CDC42SE2: variants seen among roughly 807,000 people sequenced by gnomAD.
CDC42SE2 encodes the protein CDC42 small effector protein 2.
In CDC42SE2, 3 loss-of-function variants were observed where a neutral mutation model predicts 11.5. The ratio of observed to expected loss-of-function variants is 0.26; its 90% CI spans 0.12 to 0.67. CDC42SE2 has a LOEUF of 0.67. CDC42SE2 is among the 30% of genes least tolerant of loss of function. The pLI is 0.80. For synonymous variants in CDC42SE2, 33 were observed against 34.8 expected (o/e 0.95, Z 0.18); for missense variants, 82 against 106.8 (o/e 0.77, Z 1.02).
intron 2 of CDC42SE2, among the ~76,000 whole-genome samples, chr5:131,324,288 C>T (rs1561584864): frequency 6.6e-6 from 1 of 152,132 alleles, no homozygotes; most frequent in African/African-American, 2.4e-5. Flanking sequence ...CAGCTCTCTC[C>T]TTCATGGCTG....
chr5:131,363,364 G>A (rs1362949395), intron 3 of CDC42SE2, among the ~76,000 whole-genome samples: 2 of 151,780 alleles, frequency 1.3e-5, no homozygotes, highest in Middle Eastern at 3.2e-3. Context: ...GCTTGTATCT[G>A]GAATGTGTTA....
At chr5:131,320,698 G>A (rs1001356102) in intron 2 of CDC42SE2, among the ~76,000 whole-genome samples, 9 of 151,876 alleles carry the variant, frequency 5.9e-5, no homozygotes, top group East Asian at 1.9e-4. Context: ...CTGAGATTGC[G>A]CCACTGCACT....
the CDC42SE2 span, among the ~76,000 whole-genome samples, chr5:131,218,286 G>A: frequency 6.6e-6 from 1 of 151,780 alleles, no homozygotes. Context: ...ATAAACCCAT[G>A]AGAAGGTGTT....
intron 1 of CDC42SE2, among the ~76,000 whole-genome samples, chr5:131,254,033 T>G (rs1044933310): frequency 6.6e-6 from 1 of 152,170 alleles, no homozygotes; most frequent in Non-Finnish European, 1.5e-5. Context: ...ACACCACAGA[T>G]TTTTTCTTCT....
At chr5:131,346,603 A>C (rs1758852348) in intron 2 of CDC42SE2, among the ~76,000 whole-genome samples, 2 of 152,210 alleles carry the variant, frequency 1.3e-5, no homozygotes, top group South Asian at 2.1e-4. Flanking sequence ...ATGAGACAGA[A>C]AGTTGACAAG....
chr5:131,386,485 A>G (rs369288324), intron 4 of CDC42SE2, among the ~76,000 whole-genome samples: 1 of 152,252 alleles, frequency 6.6e-6, no homozygotes, highest in Admixed American at 6.5e-5. Flanking sequence ...CTTTAGGGCA[A>G]GGCAGTAAAA....
chr5:131,227,732 G>A, the CDC42SE2 span, among the ~76,000 whole-genome samples: 1 of 151,924 alleles, frequency 6.6e-6, no homozygotes, highest in Non-Finnish European at 1.5e-5. Flanking sequence ...AGAATTGGAG[G>A]TGATATAAAG....
chr5:131,370,252 AAAAG>A (rs1749979121), intron 3 of CDC42SE2, among the ~76,000 whole-genome samples: 1 of 152,220 alleles, frequency 6.6e-6, no homozygotes. Context: ...AAAGGAAAAG[AAAAG>A]AAACTCAGCG....
chr5:131,286,022 T>G (rs1031687682), intron 1 of CDC42SE2, among the ~76,000 whole-genome samples: 1 of 150,882 alleles, frequency 6.6e-6, no homozygotes, highest in African/African-American at 2.4e-5. Context: ...CAATACTAAC[T>G]GTAAAGGAAA....
At chr5:131,308,617 T>C (rs1445824574) in intron 1 of CDC42SE2, among the ~76,000 whole-genome samples, 8 of 151,420 alleles carry the variant, frequency 5.3e-5, no homozygotes, top group African/African-American at 1.9e-4. Flanking sequence ...CTCTTTTATT[T>C]CCTTGAGCAG....
intron 3 of CDC42SE2, among the ~76,000 whole-genome samples, chr5:131,361,757 C>A (rs1749715925): frequency 6.6e-6 from 1 of 152,092 alleles, no homozygotes; most frequent in South Asian, 2.1e-4. Context: ...AGATGGTTTT[C>A]CCCTGGAGTT....
intron 2 of CDC42SE2, among the ~76,000 whole-genome samples, chr5:131,329,024 A>G (rs560310679): frequency 1.3e-5 from 2 of 152,330 alleles, no homozygotes; most frequent in Non-Finnish European, 1.5e-5. Flanking sequence ...AGGTGGGGGC[A>G]CAGAGAGGGG....
At chr5:131,383,175 G>A (rs558371018) in intron 3 of CDC42SE2, among the ~76,000 whole-genome samples, 1 of 152,300 alleles carries the variant, frequency 6.6e-6, no homozygotes, top group East Asian at 1.9e-4. Flanking sequence ...GATGGTTGTG[G>A]GTGTCAAGTC....
At chr5:131,232,715 CA>C in the CDC42SE2 span, among the ~76,000 whole-genome samples, 1 of 27,100 alleles carries the variant, frequency 3.7e-5, no homozygotes, top group African/African-American at 2.0e-4. Context: ...GCCTGGGAAA[CA>C]AAAACAAGAC....
chr5:131,343,441 G>A (rs536547438), intron 2 of CDC42SE2, among the ~76,000 whole-genome samples: 5 of 152,258 alleles, frequency 3.3e-5, no homozygotes, highest in South Asian at 4.1e-4. Flanking sequence ...GCCCAGGCAC[G>A]GTGGCTCATG....
At chr5:131,289,444 G>A (rs776128094) in intron 1 of CDC42SE2, among the ~76,000 whole-genome samples, 3 of 152,144 alleles carry the variant, frequency 2.0e-5, no homozygotes, top group African/African-American at 7.2e-5. Flanking sequence ...AGGCCGAGGC[G>A]GGTGAATCAC....
chr5:131,345,668 A>G (rs1048040263), intron 2 of CDC42SE2, among the ~76,000 whole-genome samples: 11 of 152,116 alleles, frequency 7.2e-5, no homozygotes, highest in African/African-American at 2.4e-4. Flanking sequence ...GATACTCCTC[A>G]AGAAGAGCAT....
chr5:131,252,793 A>G (rs1756651960), intron 1 of CDC42SE2, among the ~76,000 whole-genome samples: 1 of 152,110 alleles, frequency 6.6e-6, no homozygotes. Context: ...AGCCTCTCAT[A>G]TCTTCCTGAT....
chr5:131,299,665 C>CTAGTT, intron 1 of CDC42SE2, among the ~76,000 whole-genome samples: 1 of 152,114 alleles, frequency 6.6e-6, no homozygotes, highest in Non-Finnish European at 1.5e-5. Context: ...AATTAAAAGA[C>CTAGTT]AACTAGGCTG....
Sources: gnomAD v4.1 joint callset for allele counts (sites outside exome capture counted in the v4.1 genomes callset) on GRCh38, gnomAD v4.1.1 for gene constraint, MANE v1.5 for transcripts, NCBI Gene and HGNC (gene_info 2026-07-23, HGNC 2026-07-21) for gene names.